Variants in GALNT10 observed in about 807,000 individuals in gnomAD.
The protein encoded by GALNT10 is GalNAc transferase 10.
A neutral mutation model predicts 75.0 loss-of-function variants in GALNT10; 41 were observed. That is an observed-to-expected ratio of 0.55 (90% CI 0.43 to 0.71). GALNT10 has a LOEUF of 0.71. Ranked by LOEUF, GALNT10 falls within the 30% of genes least tolerant of loss-of-function variation. GALNT10 has a pLI of 0.00. For synonymous variants in GALNT10, 302 were observed against 313.0 expected (o/e 0.96, Z 0.37); for missense variants, 727 against 818.5 (o/e 0.89, Z 1.36).
At chr5:154,214,234 A>C (rs562553377) in intron 1 of GALNT10, among the ~76,000 whole-genome samples, 4 of 149,784 alleles carry the variant, frequency 2.7e-5, no homozygotes, top group East Asian at 3.9e-4. Flanking sequence ...ATCAAGCACA[A>C]AAAAAAAAAT....
Position 154,416,519 on chromosome 5 carries a change from G to T in GALNT10, c.1654-295G>T. The stretch of plus-strand genomic sequence containing the variant: ...CACACACACACACACACACACACAC[G>T]ATAAGGACCAGTGAGGTCTGACAGG... On this transcript the variant is annotated intron_variant, in intron 11 of 11. Coordinates refer to ENST00000297107, the MANE Select transcript of GALNT10 (RefSeq NM_198321.4). The surrounding 1 kb of genome is among the most constrained non-coding windows in gnomAD (Gnocchi z 4.5). 1.6e-5 allele frequency among the ~76,000 whole-genome samples: 1 copy of T among 62,556 alleles called. No homozygotes were observed. Among genetic ancestry groups the T allele is most frequent in the Admixed American group, 1.1e-4 (1 of 8,754 alleles). 41.0% of individuals were successfully genotyped at this position (62,556 alleles called of 152,430 possible). A position where few individuals can be genotyped will look rare whatever the true frequency, so the allele number is the denominator to read the frequency against.
intron 3 of GALNT10, among the ~76,000 whole-genome samples, chr5:154,302,293 C>T (rs1263189053): frequency 1.3e-5 from 2 of 152,260 alleles, no homozygotes; most frequent in Non-Finnish European, 2.9e-5. Context: ...AGAAGCTGCA[C>T]TGGGGACTGC....
intron 5 of GALNT10, among the ~76,000 whole-genome samples, chr5:154,378,273 C>A (rs1425050283): frequency 6.6e-6 from 1 of 152,204 alleles, no homozygotes; most frequent in Non-Finnish European, 1.5e-5. Flanking sequence ...GAGAAGGATT[C>A]ATCCTCCCTA....
chr5:154,415,137 A>G (rs1756478977), intron 10 of GALNT10, among the ~76,000 whole-genome samples: 1 of 152,158 alleles, frequency 6.6e-6, no homozygotes, highest in South Asian at 2.1e-4. Flanking sequence ...AAACAAACAA[A>G]AAAAAGAATC....
intron 4 of GALNT10, among the ~76,000 whole-genome samples, chr5:154,347,609 G>A (rs1174014664): frequency 1.3e-5 from 2 of 152,056 alleles, no homozygotes; most frequent in Middle Eastern, 3.4e-3. Flanking sequence ...TGATCCTCCC[G>A]CCTCTGCCTC....
At chr5:154,318,514 TAGG>T (rs1754630689) in intron 3 of GALNT10, among the ~76,000 whole-genome samples, 1 of 152,192 alleles carries the variant, frequency 6.6e-6, no homozygotes, top group African/African-American at 2.4e-5. Flanking sequence ...TATTTGACCA[TAGG>T]CAAGTTTCTT....
In GALNT10 at chr5:154,402,257, C is replaced by T. The variant is rs1321475224; in HGVS notation, c.1057-1847C>T. On this transcript the variant is annotated intron_variant, in intron 7 of 11. Transcript: ENST00000297107. This position sits in a 1 kb window ranked among gnomAD's most constrained non-coding sequence, Gnocchi z 4.2. ...CCCTCTTCCCCTTTCTCCCTCTGCT[C>T]CTGCCCTGGCTTTCTTTTTGATTAT... 2.0e-5 allele frequency among the ~76,000 whole-genome samples: 3 copies of T among 152,212 alleles called. No individual in the cohort carries two copies. Among genetic ancestry groups the T allele is most frequent in the Non-Finnish European group, 2.9e-5 (2 of 68,032 alleles).
chr5:154,308,094 A>G (rs976992745), intron 3 of GALNT10, among the ~76,000 whole-genome samples: 1 of 151,106 alleles, frequency 6.6e-6, no homozygotes, highest in Non-Finnish European at 1.5e-5. Context: ...CACAAAGAAT[A>G]AAGATCACTG....
chr5:154,222,803 TGTTGA>T (rs1322502206), intron 1 of GALNT10, among the ~76,000 whole-genome samples: 2 of 152,206 alleles, frequency 1.3e-5, no homozygotes, highest in African/African-American at 4.8e-5. Flanking sequence ...TGGATTGTCT[TGTTGA>T]GTTTTAAGAA....
intron 1 of GALNT10, among the ~76,000 whole-genome samples, chr5:154,208,316 G>A (rs546005409): frequency 2.0e-5 from 3 of 152,256 alleles, no homozygotes; most frequent in Admixed American, 1.3e-4. Flanking sequence ...TGAGAGCACA[G>A]TGAAGGATTC....
At chr5:154,380,384 G>A (rs1755714690) in intron 5 of GALNT10, 64 bp from the exon 6 acceptor site, 4 of 1,276,776 alleles carry the variant, frequency 3.1e-6, no homozygotes, top group Non-Finnish European at 4.5e-6. Flanking sequence ...CTGCAGAACA[G>A]GATGGTGCAC....
chr5:154,198,589 G>T (rs1300657748), intron 1 of GALNT10, among the ~76,000 whole-genome samples: 1 of 152,216 alleles, frequency 6.6e-6, no homozygotes, highest in Non-Finnish European at 1.5e-5. Context: ...AGGAAATTGT[G>T]CATGCAGAGG....
At chr5:154,281,731 T>C (rs536916704) in intron 1 of GALNT10, among the ~76,000 whole-genome samples, 7 of 152,296 alleles carry the variant, frequency 4.6e-5, no homozygotes, top group Admixed American at 3.9e-4. Context: ...AACAAGATAG[T>C]GTATTTTTCT....
chr5:154,342,383 G>A (rs1755047797), intron 4 of GALNT10, among the ~76,000 whole-genome samples: 1 of 152,184 alleles, frequency 6.6e-6, no homozygotes, highest in Admixed American at 6.5e-5. Context: ...CTGGATTCAA[G>A]CAATGGCTCT....
rs531999566 is a variant in GALNT10, at chr5:154,408,314, TC to T, written c.1165-1223del. ...ACTGATAACAGCTTAAACTGCTAAC[TC>T]CCCTTTAACCTTTCAGAGGAAATTT... On this transcript the variant is annotated intron_variant, in intron 8 of 11. Coordinates refer to ENST00000297107, the MANE Select transcript of GALNT10 (RefSeq NM_198321.4). Among the ~76,000 whole-genome samples, 65 of 151,972 alleles carry T rather than the reference TC, an allele frequency of 4.3e-4. 1 individual carries two copies. The highest frequency in any genetic ancestry group is 5.7e-4 in the Non-Finnish European group (39 of 68,000).
chr5:154,339,981 C>T (rs1215609427), intron 4 of GALNT10, among the ~76,000 whole-genome samples: 1 of 152,178 alleles, frequency 6.6e-6, no homozygotes, highest in Non-Finnish European at 1.5e-5. Flanking sequence ...GATGTAAATT[C>T]TTATCTACTC....
chr5:154,276,841 T>C (rs374557048), intron 1 of GALNT10, among the ~76,000 whole-genome samples: 199 of 152,274 alleles, frequency 1.3e-3, no homozygotes, highest in African/African-American at 4.5e-3. Context: ...AAGTGGGGCC[T>C]CTTGAAGATG....
intron 7 of GALNT10, chr5:154,388,051 C>A (rs1561679239): frequency 6.6e-6 from 1 of 151,814 alleles, no homozygotes; most frequent in South Asian, 2.1e-4. Context: ...ACTACAGGCG[C>A]CCACCACCAC....
At chr5:154,329,932 T>G (rs1754819786) in intron 4 of GALNT10, 194 bp downstream of exon 4, 2 of 348,396 alleles carry the variant, frequency 5.7e-6, no homozygotes, top group East Asian at 8.1e-5. Flanking sequence ...TTTTATCCCC[T>G]GCATATCTGT....
Sources: gnomAD v4.1 joint callset for allele counts (sites outside exome capture counted in the v4.1 genomes callset) on GRCh38, gnomAD v4.1.1 for gene constraint, Gnocchi (gnomAD v3.1) non-coding constraint, MANE v1.5 for transcripts, NCBI Gene and HGNC (gene_info 2026-07-23, HGNC 2026-07-21) for gene names.